Variants in JAKMIP2 observed in about 807,000 individuals in gnomAD.
JAKMIP2 encodes janus kinase and microtubule interacting protein 2.
Under a neutral mutation model 115.0 loss-of-function variants are expected in JAKMIP2, and 25 were observed. That is an observed-to-expected ratio of 0.22 (90% CI 0.16 to 0.30). JAKMIP2 has a LOEUF of 0.30. Among genes scored for constraint, JAKMIP2 ranks in the 10% least tolerant of loss-of-function variants. JAKMIP2 has a pLI of 1.00. For missense variants in JAKMIP2, 642 were observed against 957.6 expected (o/e 0.67, Z 4.35); for synonymous variants, 334 against 343.6 (o/e 0.97, Z 0.31).
chr5:147,657,581 A>G (rs1758742120), intron 3 of JAKMIP2, among the ~76,000 whole-genome samples: 1 of 152,130 alleles, frequency 6.6e-6, no homozygotes. Flanking sequence ...CTCCTGCATA[A>G]TATCCTCAAG....
At chr5:147,779,162 G>T (rs79201840) in intron 1 of JAKMIP2, among the ~76,000 whole-genome samples, 2,649 of 152,148 alleles carry the variant, frequency 0.017, 97 homozygotes, top group African/African-American at 0.061. Flanking sequence ...ATCCTGAAGC[G>T]GACTTGTAGC....
intron 1 of JAKMIP2, among the ~76,000 whole-genome samples, chr5:147,761,640 T>C (rs1754932657): frequency 6.6e-6 from 1 of 152,180 alleles, no homozygotes; most frequent in Non-Finnish European, 1.5e-5. Flanking sequence ...CTCAAGGTCA[T>C]GCTAAGTGGC....
intron 1 of JAKMIP2, among the ~76,000 whole-genome samples, chr5:147,710,403 ATAAAT>A (rs1752733480): frequency 1.3e-5 from 2 of 152,160 alleles, no homozygotes; most frequent in Admixed American, 6.5e-5. Flanking sequence ...ATCAGGAGGT[ATAAAT>A]TTTATATACA....
chr5:147,699,778 T>C (rs1752251993), intron 1 of JAKMIP2, among the ~76,000 whole-genome samples: 1 of 152,210 alleles, frequency 6.6e-6, no homozygotes, highest in African/African-American at 2.4e-5. Flanking sequence ...CAAATGCTAG[T>C]GTTTCAAGAG....
At chr5:147,718,287 A>G (rs972682145) in intron 1 of JAKMIP2, among the ~76,000 whole-genome samples, 1 of 149,860 alleles carries the variant, frequency 6.7e-6, no homozygotes, top group Non-Finnish European at 1.5e-5. Context: ...ATGTTCATCA[A>G]GGATATTGGT....
chr5:147,620,800 A>T, intron 17 of JAKMIP2, 57 bp from the exon 18 acceptor site: 3 of 1,187,022 alleles, frequency 2.5e-6, no homozygotes, highest in South Asian at 2.5e-5. Flanking sequence ...AGTGACGTAC[A>T]AATGGTATTG....
At chr5:147,667,722 T>C (rs1759371182) in intron 2 of JAKMIP2, among the ~76,000 whole-genome samples, 2 of 152,190 alleles carry the variant, frequency 1.3e-5, no homozygotes, top group African/African-American at 4.8e-5. Context: ...GGATCCTATT[T>C]TTAAAATTTC....
intron 1 of JAKMIP2, among the ~76,000 whole-genome samples, chr5:147,690,926 T>A (rs1751813893): frequency 6.6e-6 from 1 of 152,034 alleles, no homozygotes; most frequent in Non-Finnish European, 1.5e-5. Context: ...AAAATGGGAT[T>A]TCTCCTCTCT....
intron 20 of JAKMIP2, among the ~76,000 whole-genome samples, chr5:147,605,008 A>G (rs1423790084): frequency 6.7e-6 from 1 of 150,154 alleles, no homozygotes; most frequent in East Asian, 2.0e-4. Context: ...CTGGTGTGTG[A>G]TGTTCCCCAA....
At chr5:147,716,790 T>C (rs1197966210) in intron 1 of JAKMIP2, among the ~76,000 whole-genome samples, 1 of 148,602 alleles carries the variant, frequency 6.7e-6, no homozygotes, top group South Asian at 2.2e-4. Flanking sequence ...TCCCATTTTG[T>C]AGGTTGCCTG....
At chr5:147,599,224 T>C (rs1275883564) in intron 21 of JAKMIP2, among the ~76,000 whole-genome samples, 1 of 152,234 alleles carries the variant, frequency 6.6e-6, no homozygotes, top group African/African-American at 2.4e-5. Flanking sequence ...GGCACTGTTA[T>C]GCCTTTGACA....
chr5:147,675,050 A>G (rs1000399147), intron 1 of JAKMIP2, among the ~76,000 whole-genome samples: 9 of 152,212 alleles, frequency 5.9e-5, no homozygotes, highest in African/African-American at 2.2e-4. Flanking sequence ...CTTCTCTCCC[A>G]TTGTAAATAA....
At position 147,644,113 on chromosome 5, in the gene JAKMIP2, T is replaced by C. The variant is rs1758010335; in HGVS notation, c.1169A>G (p.Glu390Gly). 1 of 1,608,060 alleles carries C rather than the reference T, an allele frequency of 6.2e-7. No individual in the cohort carries two copies. Among genetic ancestry groups the C allele is most frequent in the Non-Finnish European group, 8.5e-7 (1 of 1,175,794 alleles). Residue 390 changes from glutamate (E) to glycine (G), a missense_variant, in exon 7 of 22, where the codon GAG (glutamate) becomes GGG (glycine). This residue lies in a region of JAKMIP2 where 439 missense variants were observed against 570.9 expected (regional missense o/e 0.77). Transcript: ENST00000616793. ...CTCAATGACCTGAAGTTTTAGAAAC[T>C]CTGTTTCTTGTTCTTCATTAGCTTG... The part of the protein sequence containing the change: ...LDQANEEQET[E>G]FLKLQVIEQQ...
chr5:147,663,323 T>A (rs1759130473), intron 2 of JAKMIP2, among the ~76,000 whole-genome samples: 1 of 152,170 alleles, frequency 6.6e-6, no homozygotes, highest in Non-Finnish European at 1.5e-5. Context: ...TCAGTCTAGG[T>A]GGGCACATTC....
At chr5:147,598,190 G>A (rs764676207) in intron 21 of JAKMIP2, among the ~76,000 whole-genome samples, 15 of 151,970 alleles carry the variant, frequency 9.9e-5, no homozygotes, top group African/African-American at 1.7e-4. Flanking sequence ...TATTAGAGAC[G>A]CGGTTTCACC....
chr5:147,717,788 G>A, intron 1 of JAKMIP2, among the ~76,000 whole-genome samples: 1 of 130,518 alleles, frequency 7.7e-6, no homozygotes, highest in South Asian at 2.8e-4. Context: ...CATGTCGTCT[G>A]CAAACAGGGA....
intron 6 of JAKMIP2, 55 bp from the exon 7 acceptor site, chr5:147,644,253 G>T: frequency 7.0e-7 from 1 of 1,427,900 alleles, no homozygotes; most frequent in Non-Finnish European, 9.3e-7. Flanking sequence ...TCAAACTTTG[G>T]TTGTTAACAT....
Position 147,644,151 on chromosome 5 carries a change from C to A in JAKMIP2, c.1131G>T (p.Leu377=), listed in dbSNP as rs1758012839. 1 of 1,605,846 alleles carries A rather than the reference C, an allele frequency of 6.2e-7. No individual in the cohort carries two copies. The highest frequency in any genetic ancestry group is 1.1e-5 in the South Asian group (1 of 89,536). Residue 377 remains leucine, a synonymous_variant, in exon 7 of 22, where the codon CTG becomes CTT. Coordinates refer to ENST00000616793, the MANE Select transcript of JAKMIP2 (RefSeq NM_001270941.2). ...CTTCATTAGCTTGGTCGAGGTCATT[C>A]AGAGATTTTAATTTCTTCAGGGGTG... ...SHPPLKKLKS[L]NDLDQANEEQ... is the part of the protein sequence containing the mutation.
intron 1 of JAKMIP2, among the ~76,000 whole-genome samples, chr5:147,756,652 G>C (rs566446743): frequency 6.6e-6 from 1 of 152,240 alleles, no homozygotes; most frequent in African/African-American, 2.4e-5. Flanking sequence ...AAGAAAAGGA[G>C]GGTGGATGGG....
Sources: allele counts gnomAD v4.1 joint callset (sites outside exome capture counted in the v4.1 genomes callset), GRCh38; gene constraint gnomAD v4.1.1; regional missense constraint gnomAD v4.1.1; transcripts MANE v1.5; gene names NCBI Gene and HGNC (gene_info 2026-07-23, HGNC 2026-07-21).